The following UGGT2 variants were observed in gnomAD, a reference collection of about 807,000 sequenced individuals.
UGGT2 encodes UDP-glucose glycoprotein glucosyltransferase 2, also known as UDP-glucose:glycoprotein glucosyltransferase 2.
Under a neutral mutation model 192.1 loss-of-function variants are expected in UGGT2, and 180 were observed. The observed-to-expected ratio is 0.94, with a 90% CI of 0.83 to 1.06. UGGT2 has a LOEUF of 1.06. Among genes scored for constraint, UGGT2 ranks in the 50% least tolerant of loss-of-function variants. UGGT2 has a pLI of 0.00. For missense variants in UGGT2, 1,849 were observed against 1,795.7 expected (o/e 1.03, Z -0.54); for synonymous variants, 580 against 591.0 (o/e 0.98, Z 0.27).
intron 17 of UGGT2, among the ~76,000 whole-genome samples, chr13:95,934,819 T>C (rs968883877): frequency 3.3e-5 from 5 of 152,162 alleles, no homozygotes; most frequent in Non-Finnish European, 4.4e-5. Flanking sequence ...TAAATTCTTT[T>C]TTATTTTTGT....
chr13:96,005,604 GAA>G (rs1158500087), intron 5 of UGGT2, among the ~76,000 whole-genome samples: 2 of 152,196 alleles, frequency 1.3e-5, no homozygotes, highest in African/African-American at 4.8e-5. Context: ...TGGAACAGAT[GAA>G]AGTCTTAGTC....
Position 95,900,917 on chromosome 13 carries a change from C to T in UGGT2, c.2524G>A (p.Glu842Lys). The stretch of plus-strand genomic sequence containing the variant: ...ACTCCAACAGTATTATATTTTTTCT[C>T]AAAAGCATTCTTATCCATCCCCTAA... ...LIEGMDKNAF[E>K]KKYNTVGVNI... The change falls in exon 22 of 39, where the codon GAG (glutamate) becomes AAG (lysine). Residue 842 changes from glutamate (E) to lysine (K), a missense_variant. Physicochemically the swap from Glu to Lys is moderately conservative, Grantham distance 56 (BLOSUM62 1). Transcript: ENST00000376747. The T allele has an allele frequency of 6.3e-7, 1 of 1,596,758 alleles. No individual in the cohort carries two copies. Among genetic ancestry groups the T allele is most frequent in the Non-Finnish European group, 8.5e-7 (1 of 1,173,754 alleles).
At chr13:96,002,126 T>G (rs984940605) in intron 5 of UGGT2, among the ~76,000 whole-genome samples, 1 of 152,182 alleles carries the variant, frequency 6.6e-6, no homozygotes, top group African/African-American at 2.4e-5. Flanking sequence ...AACTCACACA[T>G]GCTTAAGGGT....
chr13:95,866,060 C>G (rs1890627411), intron 30 of UGGT2, among the ~76,000 whole-genome samples: 1 of 151,914 alleles, frequency 6.6e-6, no homozygotes, highest in African/African-American at 2.4e-5. Context: ...TGTTAATGCT[C>G]TCTTCTATAT....
chr13:95,830,275 G>C (rs1886514607), intron 38 of UGGT2, among the ~76,000 whole-genome samples: 1 of 152,070 alleles, frequency 6.6e-6, no homozygotes, highest in Non-Finnish European at 1.5e-5. Context: ...CAAGAATTGA[G>C]AAATGGGAAC....
chr13:95,836,451 G>A (rs1429512154), intron 37 of UGGT2, among the ~76,000 whole-genome samples: 1 of 152,110 alleles, frequency 6.6e-6, no homozygotes, highest in Non-Finnish European at 1.5e-5. Context: ...TTGGCTCCTC[G>A]CTGGCATCTG....
At chr13:95,803,416 A>G (rs1380693380) in intron 38 of UGGT2, among the ~76,000 whole-genome samples, 1 of 151,908 alleles carries the variant, frequency 6.6e-6, no homozygotes, top group East Asian at 2.0e-4. Context: ...ATGCGCCACC[A>G]CGCCTGGCTA....
chr13:95,879,764 A>G lies in UGGT2; in HGVS notation c.3229-1908T>C, dbSNP rs147255997. Among the ~76,000 whole-genome samples the G allele has an allele frequency of 7.2e-5, 11 of 152,332 alleles. No homozygotes were observed. In the East Asian group the frequency reaches 2.1e-3, roughly 29 times the overall value. On this transcript the variant is annotated intron_variant, in intron 27 of 38. Coordinates refer to ENST00000376747, the MANE Select transcript of UGGT2 (RefSeq NM_020121.4). The stretch of plus-strand genomic sequence containing the variant: ...AAAGCTCATTTTTAGCAAAAATATG[A>G]AAGTTAGTGATCTTTTTTGATGCTT...
intron 12 of UGGT2, among the ~76,000 whole-genome samples, chr13:95,955,327 T>C (rs973565284): frequency 6.6e-6 from 1 of 152,052 alleles, no homozygotes; most frequent in Non-Finnish European, 1.5e-5. Context: ...GGTAAATAGG[T>C]AGATTAGTTT....
At chr13:95,850,236 G>C (rs1888900782) in intron 36 of UGGT2, among the ~76,000 whole-genome samples, 1 of 152,148 alleles carries the variant, frequency 6.6e-6, no homozygotes, top group Non-Finnish European at 1.5e-5. Flanking sequence ...GAATAATGAA[G>C]TACATGAATG....
At chr13:95,988,460 T>C (rs984160659) in intron 8 of UGGT2, among the ~76,000 whole-genome samples, 1 of 152,222 alleles carries the variant, frequency 6.6e-6, no homozygotes, top group East Asian at 1.9e-4. Flanking sequence ...AGGGCTGTGG[T>C]ATAATAAAAG....
chr13:96,012,287 T>C (rs1274993780), intron 5 of UGGT2, among the ~76,000 whole-genome samples: 1 of 151,856 alleles, frequency 6.6e-6, no homozygotes, highest in African/African-American at 2.4e-5. Flanking sequence ...TCAAATAAAT[T>C]CCAGATGGAT....
chr13:95,850,209 T>A (rs1336034955), intron 36 of UGGT2, among the ~76,000 whole-genome samples: 1 of 152,196 alleles, frequency 6.6e-6, no homozygotes, highest in Non-Finnish European at 1.5e-5. Context: ...TAGGCTACCT[T>A]TCTTTCTGTA....
chr13:96,026,328 A>G lies in UGGT2; in HGVS notation c.242-2569T>C, dbSNP rs568374840. Among the ~76,000 whole-genome samples the G allele has an allele frequency of 5.1e-4, 78 of 152,280 alleles. No individual in the cohort carries two copies. The East Asian group carries it at 0.011, about 22-fold the overall frequency. On this transcript the variant is annotated intron_variant, in intron 2 of 38. Transcript: ENST00000376747. ...CCAGAGAGCAAACTTTATATAACCA[A>G]GAAATAATTGGAGAAATTGCAGCAT...
intron 3 of UGGT2, 125 bp from the exon 4 acceptor site, chr13:96,023,277 G>T: frequency 1.4e-6 from 1 of 736,714 alleles, no homozygotes; most frequent in Non-Finnish European, 1.9e-6. Flanking sequence ...TCTAATTAAA[G>T]TAAAAAAACA....
intron 2 of UGGT2, 137 bp from the exon 3 acceptor site, chr13:96,023,896 G>C (rs2052589504): frequency 1.6e-6 from 1 of 628,454 alleles, no homozygotes; most frequent in South Asian, 4.2e-5. Context: ...GAGAAAAATG[G>C]AAAAATCAAG....
chr13:95,886,585 T>A (rs567464616), intron 26 of UGGT2, among the ~76,000 whole-genome samples: 3 of 152,188 alleles, frequency 2.0e-5, no homozygotes, highest in Non-Finnish European at 4.4e-5. Flanking sequence ...TAAAAAGGCA[T>A]GTGATAAAAT....
intron 2 of UGGT2, among the ~76,000 whole-genome samples, chr13:96,029,822 CA>C (rs1229866883): frequency 6.6e-6 from 1 of 151,838 alleles, no homozygotes; most frequent in Non-Finnish European, 1.5e-5. Flanking sequence ...ATTGCGTCTC[CA>C]ATAAAAAATA....
chr13:95,819,229 ACATTT>A (rs1734783476), intron 38 of UGGT2, among the ~76,000 whole-genome samples: 1 of 152,170 alleles, frequency 6.6e-6, no homozygotes, highest in African/African-American at 2.4e-5. Flanking sequence ...AGCTTCTATT[ACATTT>A]GTCAACTTTC....
Sources: gnomAD v4.1 joint callset for allele counts (sites outside exome capture counted in the v4.1 genomes callset) on GRCh38, gnomAD v4.1.1 for gene constraint, MANE v1.5 for transcripts, NCBI Gene and HGNC (gene_info 2026-07-23, HGNC 2026-07-21) for gene names.